The following TENM3 variants were observed in gnomAD, a reference collection of about 807,000 sequenced individuals.
TENM3 encodes teneurin transmembrane protein 3.
Under a neutral mutation model 255.1 loss-of-function variants are expected in TENM3, and 63 were observed. The observed-to-expected ratio is 0.25, with a 90% CI of 0.20 to 0.30. The LOEUF is 0.30. Among genes scored for constraint, TENM3 ranks in the 10% least tolerant of loss-of-function variants. The pLI, the probability that TENM3 is intolerant of heterozygous loss-of-function variation, is 1.00. For synonymous variants in TENM3, 1,306 were observed against 1,322.3 expected (o/e 0.99, Z 0.27); for missense variants, 2,929 against 3,461.1 (o/e 0.85, Z 3.86).
the TENM3 span, among the ~76,000 whole-genome samples, chr4:181,840,729 G>T: frequency 2.0e-5 from 3 of 152,030 alleles, no homozygotes; most frequent in Non-Finnish European, 2.9e-5. Flanking sequence ...GGACAGGAAA[G>T]GTTCTCCTAT....
chr4:181,452,480 G>A, the TENM3 span, among the ~76,000 whole-genome samples: 12 of 152,082 alleles, frequency 7.9e-5, no homozygotes, highest in African/African-American at 2.7e-4. Flanking sequence ...CAGGAGATCT[G>A]ATGGTTGTGT....
At chr4:181,516,778 A>C in the TENM3 span, among the ~76,000 whole-genome samples, 1 of 69,156 alleles carries the variant, frequency 1.4e-5, no homozygotes, top group South Asian at 7.7e-4. Context: ...CTCCATCTCC[A>C]AAAAAAAAAA....
intron 3 of TENM3, among the ~76,000 whole-genome samples, chr4:182,460,869 A>T (rs559768586): frequency 1.2e-3 from 188 of 152,334 alleles, no homozygotes; most frequent in African/African-American, 4.3e-3. Flanking sequence ...GTAATATTTA[A>T]CTGCAGTCTA....
chr4:181,716,101 T>A, the TENM3 span, among the ~76,000 whole-genome samples: 2 of 152,196 alleles, frequency 1.3e-5, no homozygotes, highest in Non-Finnish European at 2.9e-5. Context: ...GAAGGAAGCA[T>A]CTATGTTTGG....
the TENM3 span, among the ~76,000 whole-genome samples, chr4:181,973,985 T>C: frequency 6.6e-6 from 1 of 152,070 alleles, no homozygotes; most frequent in South Asian, 2.1e-4. Flanking sequence ...CTGCAAACCA[T>C]AATGCCGGCC....
intron 1 of TENM3, among the ~76,000 whole-genome samples, chr4:182,210,102 G>A (rs1300888222): frequency 6.6e-6 from 1 of 152,022 alleles, no homozygotes; most frequent in African/African-American, 2.4e-5. Flanking sequence ...CAAATGATGA[G>A]TGCTGGCAAC....
the TENM3 span, among the ~76,000 whole-genome samples, chr4:182,006,871 A>G: frequency 1.3e-5 from 2 of 152,142 alleles, no homozygotes; most frequent in South Asian, 2.1e-4. Context: ...ATTTAGTACT[A>G]TAAGTTTCTG....
At chr4:181,854,996 G>T in the TENM3 span, among the ~76,000 whole-genome samples, 1 of 152,176 alleles carries the variant, frequency 6.6e-6, no homozygotes, top group African/African-American at 2.4e-5. Flanking sequence ...TGAAATAATT[G>T]GTTGGGTATA....
chr4:182,009,101 G>A, the TENM3 span, among the ~76,000 whole-genome samples: 2 of 152,090 alleles, frequency 1.3e-5, no homozygotes, highest in Non-Finnish European at 2.9e-5. Context: ...GCAAAGATGG[G>A]TATCTCCTCC....
chr4:182,570,575 C>A (rs892849356), intron 3 of TENM3, among the ~76,000 whole-genome samples: 1 of 152,130 alleles, frequency 6.6e-6, no homozygotes. Flanking sequence ...GCCGGCCGGG[C>A]GTGGTGGCTC....
the TENM3 span, among the ~76,000 whole-genome samples, chr4:181,630,644 C>T: frequency 6.1e-3 from 929 of 152,194 alleles, 5 homozygotes; most frequent in African/African-American, 0.021. Flanking sequence ...TGCAGTTGAG[C>T]GGTTTTGAGT....
chr4:182,085,445 T>C, the TENM3 span, among the ~76,000 whole-genome samples: 1 of 152,170 alleles, frequency 6.6e-6, no homozygotes, highest in Non-Finnish European at 1.5e-5. Flanking sequence ...TTTTTTAACA[T>C]TATGCAATTA....
intron 1 of TENM3, among the ~76,000 whole-genome samples, chr4:182,262,961 C>T (rs1180066472): frequency 1.3e-5 from 2 of 152,048 alleles, no homozygotes; most frequent in Non-Finnish European, 2.9e-5. Context: ...GATCCGCCTG[C>T]CTCGGCCTCC....
chr4:181,525,148 C>T, the TENM3 span, among the ~76,000 whole-genome samples: 2 of 152,072 alleles, frequency 1.3e-5, no homozygotes, highest in African/African-American at 2.4e-5. Flanking sequence ...AGGTGGCTCA[C>T]ACCTGTAATT....
the TENM3 span, among the ~76,000 whole-genome samples, chr4:181,835,738 T>C: frequency 1.3e-5 from 2 of 152,206 alleles, no homozygotes; most frequent in African/African-American, 4.8e-5. Context: ...TTTTTAGTTA[T>C]CGGCAGTAAG....
At position 182,730,634 on chromosome 4, in the gene TENM3, C is replaced by T. The variant is rs1047415038; in HGVS notation, c.2706-244C>T. On this transcript the variant is annotated intron_variant, in intron 15 of 27. Transcript: ENST00000511685. ...TCTGTAACTTGAGCTCAGATGGTTC[C>T]GAGAAAAGAGTCAATGGAAAGCAAA... Among the ~76,000 whole-genome samples, 7 of 151,710 alleles carry T rather than the reference C, an allele frequency of 4.6e-5. No homozygotes were observed. The East Asian group carries it at 5.8e-4, about 13-fold the overall frequency.
At chr4:181,957,039 A>G in the TENM3 span, among the ~76,000 whole-genome samples, 2 of 152,072 alleles carry the variant, frequency 1.3e-5, no homozygotes, top group Non-Finnish European at 2.9e-5. Flanking sequence ...GAAAGTGACC[A>G]TTTTTGCTTG....
At chr4:182,348,112 T>C (rs1334392930) in intron 3 of TENM3, among the ~76,000 whole-genome samples, 1 of 152,182 alleles carries the variant, frequency 6.6e-6, no homozygotes, top group African/African-American at 2.4e-5. Context: ...CAATTTCTTA[T>C]CCTAAGTAGA....
chr4:182,518,662 A>G (rs536808212), intron 3 of TENM3, among the ~76,000 whole-genome samples: 1 of 152,214 alleles, frequency 6.6e-6, no homozygotes, highest in African/African-American at 2.4e-5. Flanking sequence ...CCCAAACTCT[A>G]GATGAGAACT....
Sources: allele counts gnomAD v4.1 joint callset (sites outside exome capture counted in the v4.1 genomes callset), GRCh38; gene constraint gnomAD v4.1.1; transcripts MANE v1.5; gene names NCBI Gene and HGNC (gene_info 2026-07-23, HGNC 2026-07-21).